SNX31: variants seen among roughly 807,000 people sequenced by gnomAD.
The protein encoded by SNX31 is sorting nexin-31.
SNX31 carries 58 observed loss-of-function variants against 65.4 expected under a neutral mutation model. The observed-to-expected ratio is 0.89, with a 90% confidence interval of 0.72 to 1.10. The LOEUF (loss-of-function observed/expected upper bound fraction) is 1.10. SNX31 is among the 50% of genes least tolerant of loss of function. SNX31 has a pLI of 0.00. For synonymous variants in SNX31, 181 were observed against 190.1 expected, an observed-to-expected ratio of 0.95 and a Z score of 0.39; for missense variants, 523 against 529.7, an observed-to-expected ratio of 0.99 and a Z score of 0.12.
Position 100,648,322 on chromosome 8 carries a change from CTT to C in SNX31, c.141+950_141+951del, listed in dbSNP as rs33988254. On this transcript the variant is annotated intron_variant, in intron 2 of 13. Transcript: ENST00000311812. This position sits in a 1 kb window ranked among gnomAD's most constrained non-coding sequence, Gnocchi z 4.3. ...GAAAGTTTTTTCAGTTTTCTCTACA[CTT>C]TTTTTTTTTTTTTTTTTAATAGAGA... Among the ~76,000 whole-genome samples the C allele has an allele frequency of 3.6e-4, 47 of 131,386 alleles. No individual in the cohort carries two copies. Among genetic ancestry groups the C allele is most frequent in the African/African-American group, 6.3e-4 (22 of 35,052 alleles). 86.2% of individuals were successfully genotyped at this position (131,386 alleles called of 152,430 possible). A position where few individuals can be genotyped will look rare whatever the true frequency, so the allele number is the denominator to read the frequency against.
chr8:100,585,739 T>G (rs1159802616), intron 11 of SNX31, among the ~76,000 whole-genome samples: 2 of 152,122 alleles, frequency 1.3e-5, no homozygotes, highest in African/African-American at 4.8e-5. Context: ...AACAAAACCC[T>G]GAGCAAATGC....
exon 1 of SNX31, chr8:100,663,146 C>T (rs1693549): frequency 0.3 from 46,142 of 152,050 alleles, 7,823 homozygotes; most frequent in African/African-American, 0.43. Flanking sequence ...ACCTACCTTT[C>T]GCGCAGCGCG....
intron 4 of SNX31, among the ~76,000 whole-genome samples, chr8:100,620,685 A>G (rs1272869488): frequency 6.6e-6 from 1 of 152,212 alleles, no homozygotes; most frequent in Non-Finnish European, 1.5e-5. Context: ...TGTGATCCTG[A>G]TCATTGGGCT....
intron 12 of SNX31, among the ~76,000 whole-genome samples, chr8:100,580,209 G>A (rs1813378721): frequency 6.7e-6 from 1 of 148,930 alleles, no homozygotes; most frequent in Non-Finnish European, 1.5e-5. Flanking sequence ...TAATTGACCA[G>A]CATACTCCTG....
Position 100,612,726 on chromosome 8 carries a change from G to T in SNX31, c.523+269C>A, listed in dbSNP as rs1816821774. 6.6e-6 allele frequency among the ~76,000 whole-genome samples: 1 copy of T among 152,172 alleles called. No homozygotes were observed. The highest frequency in any genetic ancestry group is 1.5e-5 in the Non-Finnish European group (1 of 68,034). ...GGCGAGTGGTCAGTGGTCAGGCCGG[G>T]CCTGCGGTAAAGGGGAGGGGGTCAG... is the stretch of plus-strand genomic sequence containing the variant. On this transcript the variant is annotated intron_variant, in intron 6 of 13. Coordinates refer to ENST00000311812, the MANE Select transcript of SNX31 (RefSeq NM_152628.4). This position sits in a 1 kb window ranked among gnomAD's most constrained non-coding sequence, Gnocchi z 4.3.
chr8:100,582,813 T>TAA (rs562100583), intron 12 of SNX31, among the ~76,000 whole-genome samples: 1 of 143,402 alleles, frequency 7.0e-6, no homozygotes, highest in African/African-American at 2.5e-5. Context: ...CTGTCTCTAC[T>TAA]AAAAAAAAAA....
intron 2 of SNX31, among the ~76,000 whole-genome samples, chr8:100,641,565 A>ATATATATAT (rs1310228144): frequency 9.3e-5 from 3 of 32,106 alleles, no homozygotes; most frequent in Non-Finnish European, 1.6e-4. Flanking sequence ...AAAAAAAAAA[A>ATATATATAT]ATATATATAT....
intron 3 of SNX31, among the ~76,000 whole-genome samples, chr8:100,632,361 A>G (rs141788374): frequency 6.6e-6 from 1 of 152,286 alleles, no homozygotes; most frequent in African/African-American, 2.4e-5. Flanking sequence ...TTGAACTTTG[A>G]AAGAGCTCAT....
intron 12 of SNX31, among the ~76,000 whole-genome samples, chr8:100,580,884 T>C (rs1453703542): frequency 6.6e-6 from 1 of 152,220 alleles, no homozygotes; most frequent in Non-Finnish European, 1.5e-5. Flanking sequence ...AGCAATCCTT[T>C]ATAATTCTGC....
chr8:100,649,387 G>C, intron 1 of SNX31, 39 bp from the exon 2 acceptor site: 2 of 1,611,812 alleles, frequency 1.2e-6, no homozygotes, highest in Non-Finnish European at 1.7e-6. Flanking sequence ...GTGAGCCGAG[G>C]GATAAGTGAG....
chr8:100,640,809 A>T (rs1006237976), intron 2 of SNX31, among the ~76,000 whole-genome samples: 3 of 152,218 alleles, frequency 2.0e-5, no homozygotes, highest in African/African-American at 7.2e-5. Context: ...CATAAGGAAA[A>T]TCTAAGAAAC....
chr8:100,636,688 T>C (rs1366778842), intron 2 of SNX31, among the ~76,000 whole-genome samples: 1 of 152,144 alleles, frequency 6.6e-6, no homozygotes, highest in African/African-American at 2.4e-5. Context: ...TATCAGAAAA[T>C]TTTAAATTAC....
Position 100,612,707 on chromosome 8 carries a change from T to C in SNX31, c.523+288A>G, listed in dbSNP as rs1303525299. The stretch of plus-strand genomic sequence containing the variant: ...ATTCACAGGAAACGGTGCAGGCGAG[T>C]GGTCAGTGGTCAGGCCGGGCCTGCG... On this transcript the variant is annotated intron_variant, in intron 6 of 13. Transcript: ENST00000311812. This position sits in a 1 kb window ranked among gnomAD's most constrained non-coding sequence, Gnocchi z 4.3. 6.6e-6 allele frequency among the ~76,000 whole-genome samples: 1 copy of C among 151,774 alleles called. No homozygotes were observed. Among genetic ancestry groups the C allele is most frequent in the Non-Finnish European group, 1.5e-5 (1 of 67,970 alleles).
intron 4 of SNX31, among the ~76,000 whole-genome samples, chr8:100,628,278 GAC>G (rs770036539): frequency 5.3e-5 from 8 of 151,946 alleles, no homozygotes; most frequent in African/African-American, 1.4e-4. Context: ...CTGCTATAAA[GAC>G]ACACACACAC....
chr8:100,588,732 G>T lies in SNX31; in HGVS notation c.1092+134C>A. On this transcript the variant is annotated intron_variant, in intron 11 of 13. Transcript: ENST00000311812. The surrounding 1 kb of genome is among the most constrained non-coding windows in gnomAD (Gnocchi z 4.8). Reference sequence around the variant, plus strand: ...CATAAAACAAAATAAAAGGTATTACGGTCCCGAACGAGAGTGCATAGAACA... The same window carrying T: ...CATAAAACAAAATAAAAGGTATTACTGTCCCGAACGAGAGTGCATAGAACA... 1 of 510,676 alleles carries T rather than the reference G, an allele frequency of 2.0e-6. No homozygotes were observed. The highest frequency in any genetic ancestry group is 3.5e-6 in the Non-Finnish European group (1 of 285,388). 31.6% of individuals were successfully genotyped at this position (510,676 alleles called of 1,614,324 possible).
chr8:100,655,900 G>A (rs958801589), intron 1 of SNX31, among the ~76,000 whole-genome samples: 16 of 152,186 alleles, frequency 1.1e-4, no homozygotes, highest in African/African-American at 3.9e-4. Flanking sequence ...AATGAGGGGG[G>A]CTGTCACATA....
chr8:100,608,965 C>T (rs1816453425), intron 7 of SNX31, among the ~76,000 whole-genome samples: 1 of 152,192 alleles, frequency 6.6e-6, no homozygotes, highest in Non-Finnish European at 1.5e-5. Context: ...TCATCTCTTG[C>T]CTGAGCTGCT....
rs549312186 is a variant in SNX31, at chr8:100,573,437, G to T, written c.*428C>A. 34 of 152,280 alleles carry T rather than the reference G, an allele frequency of 2.2e-4. No homozygotes were observed. In the South Asian group the frequency reaches 7.1e-3, roughly 32 times the overall value. The allele number at this position is 152,280 out of a possible 1,614,324, so 9.4% of individuals were successfully genotyped here. A position where few individuals can be genotyped will look rare whatever the true frequency, so the allele number is the denominator to read the frequency against. On this transcript the variant is annotated 3_prime_UTR_variant, in exon 14 of 14. Coordinates refer to ENST00000311812, the MANE Select transcript of SNX31 (RefSeq NM_152628.4). ...TTGAAGAGTCACATCTTTAGAAATC[G>T]ATCCAAAATATCTTTATGATATTTT...
chr8:100,600,261 G>A (rs1326454443), intron 9 of SNX31, 88 bp downstream of exon 9: 1 of 1,098,524 alleles, frequency 9.1e-7, no homozygotes, highest in Non-Finnish European at 1.4e-6. Flanking sequence ...GTGCTTGGTA[G>A]GTTTATCAGT....
Sources: allele counts gnomAD v4.1 joint callset (sites outside exome capture counted in the v4.1 genomes callset), GRCh38; gene constraint gnomAD v4.1.1; non-coding constraint Gnocchi (gnomAD v3.1); transcripts MANE v1.5; gene names NCBI Gene and HGNC (gene_info 2026-07-23, HGNC 2026-07-21).